ELP4: variants seen among roughly 807,000 people sequenced by gnomAD.
The protein encoded by ELP4 is elongator complex protein 4.
In ELP4, 51 loss-of-function variants were observed where a neutral mutation model predicts 48.9. That is an observed-to-expected ratio of 1.04 (90% CI 0.83 to 1.32). The LOEUF (loss-of-function observed/expected upper bound fraction) is 1.32. Among genes scored for constraint, ELP4 ranks in the 40% most tolerant of loss-of-function variants. The probability of loss-of-function intolerance (pLI) is 0.00; values close to 1 mark genes in which losing one functional copy is unlikely to be tolerated. For missense variants in ELP4, 519 were observed against 514.6 expected (o/e 1.01, Z -0.08); for synonymous variants, 210 against 189.2 (o/e 1.11, Z -0.90).
chr11:31,599,091 G>T (rs553374437), intron 4 of ELP4: 1 of 152,234 alleles, frequency 6.6e-6, no homozygotes, highest in African/African-American at 2.4e-5. Flanking sequence ...AGCTCAATGA[G>T]AGAAAGGGAC....
chr11:31,745,464 G>T (rs1222956348), intron 9 of ELP4, among the ~76,000 whole-genome samples: 1 of 152,168 alleles, frequency 6.6e-6, no homozygotes, highest in African/African-American at 2.4e-5. Context: ...CAAAGCTGGA[G>T]GCATCATGCT....
chr11:31,723,334 C>A (rs1333042490), intron 9 of ELP4, among the ~76,000 whole-genome samples: 1 of 152,024 alleles, frequency 6.6e-6, no homozygotes, highest in African/African-American at 2.4e-5. Flanking sequence ...CCAACACCAC[C>A]CCCGCCCCCC....
chr11:31,630,353 G>A (rs973607065), intron 6 of ELP4, among the ~76,000 whole-genome samples: 1 of 145,768 alleles, frequency 6.9e-6, no homozygotes, highest in African/African-American at 2.5e-5. Flanking sequence ...TTTTTTAATG[G>A]AGTCTCACTC....
At chr11:31,746,515 G>A (rs1372387595) in intron 9 of ELP4, among the ~76,000 whole-genome samples, 1 of 152,168 alleles carries the variant, frequency 6.6e-6, no homozygotes, top group Non-Finnish European at 1.5e-5. Context: ...TAGACTGGAT[G>A]AAGAAAATGT....
In ELP4 at chr11:31,647,776, A is replaced by G. The variant is rs1322314634; in HGVS notation, c.963A>G (p.Ser321=). Residue 321 remains serine (S), a synonymous_variant, in exon 8 of 10, where the codon TCA becomes TCG. Coordinates refer to ENST00000640961, the MANE Select transcript of ELP4 (RefSeq NM_019040.5). ...KAIIARVTTL[S]DVVVGLESFI... ...TTATTGCCCGTGTCACAACCTTGTC[A>G]GATGTAGTAGTTGGTCTGGAATCAT... 1.9e-6 allele frequency: 3 copies of G among 1,609,484 alleles called. No homozygotes were observed. The highest frequency in any genetic ancestry group is 2.2e-5 in the East Asian group (1 of 44,740).
chr11:31,645,756 C>T (rs1945185213), intron 7 of ELP4: 1 of 151,600 alleles, frequency 6.6e-6, no homozygotes, highest in East Asian at 1.9e-4. Context: ...TTGAGTTTAT[C>T]CTAAAAATGA....
rs558685564 is a variant in ELP4, at chr11:31,788,855, C to T, written c.*5331C>T. 4.9e-6 allele frequency: 1 copy of T among 203,050 alleles called. No homozygotes were observed. The highest frequency in any genetic ancestry group is 2.3e-5 in the African/African-American group (1 of 43,666). 12.6% of individuals were successfully genotyped at this position (203,050 alleles called of 1,614,324 possible). A position where few individuals can be genotyped will look rare whatever the true frequency, so the allele number is the denominator to read the frequency against. On this transcript the variant is annotated 3_prime_UTR_variant, in exon 10 of 10. Transcript: ENST00000640961. ...TAAAACAGAGTGTGTGTGAAAGTAA[C>T]CATTGGTTTAGAATGTTGATCTAAC...
intron 3 of ELP4, among the ~76,000 whole-genome samples, chr11:31,594,525 G>A (rs1957640681): frequency 6.6e-6 from 1 of 152,074 alleles, no homozygotes; most frequent in East Asian, 1.9e-4. Context: ...TGATTTTTGT[G>A]AGTATAGAAA....
At chr11:31,601,711 TAAAAG>T (rs1237612964) in intron 4 of ELP4, among the ~76,000 whole-genome samples, 1 of 152,106 alleles carries the variant, frequency 6.6e-6, no homozygotes, top group Non-Finnish European at 1.5e-5. Flanking sequence ...AACTCAAACT[TAAAAG>T]AAGTGAAAAG....
At chr11:31,531,377 A>C (rs1337337741) in intron 2 of ELP4, among the ~76,000 whole-genome samples, 1 of 152,218 alleles carries the variant, frequency 6.6e-6, no homozygotes, top group Non-Finnish European at 1.5e-5. Context: ...TCTCTGCCAT[A>C]ATAATCTTTT....
At chr11:31,662,866 C>T (rs1181595914) in intron 9 of ELP4, 2 of 271,292 alleles carry the variant, frequency 7.4e-6, no homozygotes. Context: ...TGGAAGGGAG[C>T]TTAAAGTGCT....
chr11:31,586,224 C>T (rs1158684904), intron 3 of ELP4, among the ~76,000 whole-genome samples: 1 of 152,038 alleles, frequency 6.6e-6, no homozygotes, highest in Non-Finnish European at 1.5e-5. Flanking sequence ...TGAAGTTTTA[C>T]CACTGTCAAA....
chr11:31,677,300 A>G (rs1429049122), intron 9 of ELP4, among the ~76,000 whole-genome samples: 1 of 152,220 alleles, frequency 6.6e-6, no homozygotes. Context: ...AACGCACACC[A>G]AGGTCCAGGG....
intron 9 of ELP4, among the ~76,000 whole-genome samples, chr11:31,750,117 G>A (rs1466650323): frequency 6.6e-6 from 1 of 151,972 alleles, no homozygotes; most frequent in East Asian, 1.9e-4. Context: ...GCCTGCCTCG[G>A]CCTCCCAAAG....
At chr11:31,533,444 C>T (rs1450807695) in intron 2 of ELP4, among the ~76,000 whole-genome samples, 5 of 129,590 alleles carry the variant, frequency 3.9e-5, no homozygotes, top group Non-Finnish European at 7.8e-5. Context: ...GTGGCGCTAT[C>T]TCGGCTCACT....
rs1261430684 is a variant in ELP4, at chr11:31,665,073, G to GTC, written c.1143+14856_1143+14857dup. On this transcript the variant is annotated intron_variant, in intron 9 of 9. Transcript: ENST00000640961. ...CCTTTTTGACACTAATAATGACTGA[G>GTC]TCTCTGTTCATTTGAGTTCAAGATT... is the stretch of plus-strand genomic sequence containing the variant. Among the ~76,000 whole-genome samples the GTC allele has an allele frequency of 2.0e-5, 3 of 152,196 alleles. No individual in the cohort carries two copies. The South Asian group carries it at 6.2e-4, about 32-fold the overall frequency.
intron 5 of ELP4, among the ~76,000 whole-genome samples, chr11:31,616,791 T>G (rs770697780): frequency 3.3e-5 from 5 of 152,044 alleles, no homozygotes; most frequent in Non-Finnish European, 7.4e-5. Flanking sequence ...AAAGATGATA[T>G]ACAGAAGGCT....
chr11:31,685,400 A>G (rs1946139915), intron 9 of ELP4, among the ~76,000 whole-genome samples: 1 of 152,100 alleles, frequency 6.6e-6, no homozygotes, highest in Admixed American at 6.6e-5. Flanking sequence ...GAAAAAAAAA[A>G]TCTAAAGTTA....
chr11:31,514,038 A>G (rs1200590779), intron 1 of ELP4, among the ~76,000 whole-genome samples: 2 of 152,336 alleles, frequency 1.3e-5, no homozygotes, highest in Admixed American at 6.5e-5. Context: ...TAATTATTGA[A>G]GAGTAGTCAT....
Sources: allele counts gnomAD v4.1 joint callset (sites outside exome capture counted in the v4.1 genomes callset), GRCh38; gene constraint gnomAD v4.1.1; transcripts MANE v1.5; gene names NCBI Gene and HGNC (gene_info 2026-07-23, HGNC 2026-07-21).